Variants in C17orf107 observed in about 807,000 individuals in gnomAD.
The protein encoded by C17orf107 is uncharacterized protein C17orf107.
A neutral mutation model predicts 8.9 loss-of-function variants in C17orf107; 9 were observed. The ratio of observed to expected loss-of-function variants is 1.02; its 90% CI spans 0.61 to 1.77. C17orf107 has a LOEUF of 1.77. Among genes scored for constraint, C17orf107 ranks in the 40% most tolerant of loss-of-function variants. C17orf107 has a pLI of 0.00. For synonymous variants in C17orf107, 139 were observed against 120.3 expected (o/e 1.16, Z -1.02); for missense variants, 281 against 249.0 (o/e 1.13, Z -0.86).
Position 4,901,461 on chromosome 17 carries a change from C to T in C17orf107, c.*928C>T. On this transcript the variant is annotated 3_prime_UTR_variant, in exon 3 of 3. Coordinates refer to ENST00000381365, the MANE Select transcript of C17orf107 (RefSeq NM_001145536.2). ...TGTCGTTGGTCCGGGGCAAGCCCACCGTGGAAGTCCCCTCTCTGGACCCCG... is the reference window on the plus strand; with the variant it reads ...TGTCGTTGGTCCGGGGCAAGCCCACTGTGGAAGTCCCCTCTCTGGACCCCG... The T allele has an allele frequency of 2.0e-6, 3 of 1,488,338 alleles. No homozygotes were observed. The highest frequency in any genetic ancestry group is 2.8e-6 in the Non-Finnish European group (3 of 1,065,928). 92.2% of individuals were successfully genotyped at this position (1,488,338 alleles called of 1,614,324 possible).
chr17:4,903,003 A>G, downstream of C17orf107: 1 of 1,613,842 alleles, frequency 6.2e-7, no homozygotes, highest in African/African-American at 1.3e-5. Flanking sequence ...TTGCCCCTCT[A>G]GCCCCTGTCC....
Position 4,900,944 on chromosome 17 carries a change from C to T in C17orf107, c.*411C>T, listed in dbSNP as rs750892511. The T allele has an allele frequency of 1.9e-6, 3 of 1,613,922 alleles. No homozygotes were observed. Among genetic ancestry groups the T allele is most frequent in the African/African-American group, 2.7e-5 (2 of 74,948 alleles). ...GCCAGTGAGAGCGGGCCCCGCCTCC[C>T]GGGAGCGAGCCCGGGTTTGGGGGTA... On this transcript the variant is annotated 3_prime_UTR_variant, in exon 3 of 3. Coordinates refer to ENST00000381365, the MANE Select transcript of C17orf107 (RefSeq NM_001145536.2).
At chr17:4,903,395 G>A (rs1970044822), downstream of C17orf107, among the ~76,000 whole-genome samples, 1 of 152,236 alleles carries the variant, frequency 6.6e-6, no homozygotes, top group East Asian at 1.9e-4. Context: ...CTTTCAGCAG[G>A]CACTGTTGTC....
Position 4,899,779 on chromosome 17 carries a change from G to A in C17orf107, c.17G>A (p.Ser6Asn), listed in dbSNP as rs1449685668. 6.4e-7 allele frequency: 1 copy of A among 1,551,230 alleles called. No individual in the cohort carries two copies. The change falls in exon 1 of 3, where the codon AGC becomes AAC. Residue 6 changes from serine (S) to asparagine (N), a missense_variant. Ser to Asn is a conservative substitution (Grantham distance 46). Transcript: ENST00000381365. MKGTPSSLDTLMWIYH... is the reference protein window; with the variant it reads MKGTPNSLDTLMWIYH... ...GTGGCGGCCATGAAGGGGACCCCCA[G>A]CTCCCTGGACACCCTGATGTGGATC...
At position 4,902,059 on chromosome 17, in the gene C17orf107, C is replaced by T. The variant is rs1056080125; in HGVS notation, c.*1526C>T. 19 of 1,613,968 alleles carry T rather than the reference C, an allele frequency of 1.2e-5. No homozygotes were observed. The highest frequency in any genetic ancestry group is 1.6e-5 in the Non-Finnish European group (19 of 1,180,048). Reference sequence around the variant, plus strand: ...CCCTCGTAGACGAGCACGTTGGCGTCGTAGGCCACTCCGAACTGGCCATCA... The same window carrying T: ...CCCTCGTAGACGAGCACGTTGGCGTTGTAGGCCACTCCGAACTGGCCATCA... On this transcript the variant is annotated 3_prime_UTR_variant, in exon 3 of 3. Transcript: ENST00000381365. This position sits in a 1 kb window ranked among gnomAD's most constrained non-coding sequence, Gnocchi z 4.0.
At position 4,900,247 on chromosome 17, in the gene C17orf107, T is replaced by C; in HGVS notation, c.287T>C (p.Leu96Pro). ...FGTTLLEISA[L>P]WLQQEARRLD... The stretch of plus-strand genomic sequence containing the variant: ...GTGCCCCCAATGCAGATCTCAGCCC[T>C]GTGGCTGCAGCAGGAGGCGCGGCGA... The change falls in exon 3 of 3, where the codon CTG becomes CCG. Residue 96 changes from leucine (L) to proline (P), a missense_variant. Transcript: ENST00000381365. 4 of 1,547,210 alleles carry C rather than the reference T, an allele frequency of 2.6e-6. No individual in the cohort carries two copies. Among genetic ancestry groups the C allele is most frequent in the Non-Finnish European group, 3.5e-6 (4 of 1,146,508 alleles).
Position 4,902,290 on chromosome 17 carries a change from C to G in C17orf107, c.*1757C>G, listed in dbSNP as rs1392419204. ...CGCAGGGTTTCTATACCCCCAAAGT[C>G]GTCCTTGCTGTAGTTGAGTCGGTAA... On this transcript the variant is annotated 3_prime_UTR_variant, in exon 3 of 3. Coordinates refer to ENST00000381365, the MANE Select transcript of C17orf107 (RefSeq NM_001145536.2). This position sits in a 1 kb window ranked among gnomAD's most constrained non-coding sequence, Gnocchi z 4.0. 1 of 1,614,062 alleles carries G rather than the reference C, an allele frequency of 6.2e-7. No individual in the cohort carries two copies. Among genetic ancestry groups the G allele is most frequent in the African/African-American group, 1.3e-5 (1 of 74,916 alleles).
chr17:4,899,679 C>T lies in C17orf107; in HGVS notation c.-84C>T. On this transcript the variant is annotated 5_prime_UTR_variant, in exon 1 of 3. Coordinates refer to ENST00000381365, the MANE Select transcript of C17orf107 (RefSeq NM_001145536.2). ...CAAACACGGCTTCTCCTGGTACGGG[C>T]TGGTTACGCCCTCCAGCTGCGCCCC... is the stretch of plus-strand genomic sequence containing the variant. The T allele has an allele frequency of 2.1e-6, 3 of 1,444,370 alleles. No individual in the cohort carries two copies. Among genetic ancestry groups the T allele is most frequent in the Non-Finnish European group, 2.9e-6 (3 of 1,050,048 alleles). 89.5% of individuals were successfully genotyped at this position (1,444,370 alleles called of 1,614,324 possible).
At position 4,900,718 on chromosome 17, in the gene C17orf107, T is replaced by A. The variant is rs1969952422; in HGVS notation, c.*185T>A. On this transcript the variant is annotated 3_prime_UTR_variant, in exon 3 of 3. Coordinates refer to ENST00000381365, the MANE Select transcript of C17orf107 (RefSeq NM_001145536.2). ...GGCGGGGCGAGACAGCCAGAGCTTT[T>A]CCCGGGGTCTCTGGGTTTTGGCCAC... The A allele has an allele frequency of 6.7e-7, 1 of 1,503,168 alleles. No individual in the cohort carries two copies. Among genetic ancestry groups the A allele is most frequent in the Non-Finnish European group, 9.1e-7 (1 of 1,102,924 alleles). 93.1% of individuals were successfully genotyped at this position (1,503,168 alleles called of 1,614,324 possible).
At chr17:4,904,438 C>T (rs890853398), downstream of C17orf107, among the ~76,000 whole-genome samples, 6 of 152,158 alleles carry the variant, frequency 3.9e-5, no homozygotes, top group Non-Finnish European at 8.8e-5. Flanking sequence ...GATTCCTAGG[C>T]TCCATTCCCA....
chr17:4,904,424 T>C (rs1397811440), downstream of C17orf107, among the ~76,000 whole-genome samples: 5 of 152,164 alleles, frequency 3.3e-5, no homozygotes, highest in Non-Finnish European at 5.9e-5. Context: ...TTATTTTAAA[T>C]TCAGATTCCT....
rs769318953 is a variant in C17orf107, at chr17:4,902,076, T to C, written c.*1543T>C. On this transcript the variant is annotated 3_prime_UTR_variant, in exon 3 of 3. Coordinates refer to ENST00000381365, the MANE Select transcript of C17orf107 (RefSeq NM_001145536.2). This position sits in a 1 kb window ranked among gnomAD's most constrained non-coding sequence, Gnocchi z 4.0. ...GTTGGCGTCGTAGGCCACTCCGAAC[T>C]GGCCATCAATACTGTGGGCTCGGGG... 4 of 1,614,068 alleles carry C rather than the reference T, an allele frequency of 2.5e-6. No individual in the cohort carries two copies. Among genetic ancestry groups the C allele is most frequent in the South Asian group, 2.2e-5 (2 of 91,082 alleles).
Position 4,899,546 on chromosome 17 carries a change from A to G in C17orf107, c.-217A>G, listed in dbSNP as rs947816370. On this transcript the variant is annotated 5_prime_UTR_variant, in exon 1 of 3. Transcript: ENST00000381365. ...TGAGCACGATGACGCAATTCATGAC[A>G]ATGAGCGTGGCGACCACCATGACGA... is the stretch of plus-strand genomic sequence containing the variant. The G allele has an allele frequency of 6.3e-7, 1 of 1,599,422 alleles. No homozygotes were observed. The highest frequency in any genetic ancestry group is 8.5e-7 in the Non-Finnish European group (1 of 1,174,328).
At position 4,901,745 on chromosome 17, in the gene C17orf107, G is replaced by T. The variant is rs1969993158; in HGVS notation, c.*1212G>T. 8.0e-7 allele frequency: 1 copy of T among 1,249,380 alleles called. No individual in the cohort carries two copies. Among genetic ancestry groups the T allele is most frequent in the Non-Finnish European group, 1.1e-6 (1 of 869,740 alleles). The allele number at this position is 1,249,380 out of a possible 1,614,324, so 77.4% of individuals were successfully genotyped here. On this transcript the variant is annotated 3_prime_UTR_variant, in exon 3 of 3. Transcript: ENST00000381365. ...ATCCCAAGCCCACCCCTTCACCCAAGCCCAGCCCGCACGCCTCTGTTCCCA... is the reference window on the plus strand; with the variant it reads ...ATCCCAAGCCCACCCCTTCACCCAATCCCAGCCCGCACGCCTCTGTTCCCA...
Position 4,900,806 on chromosome 17 carries a change from G to C in C17orf107, c.*273G>C, listed in dbSNP as rs979787967. 1.9e-6 allele frequency: 3 copies of C among 1,613,622 alleles called. No individual in the cohort carries two copies. Among genetic ancestry groups the C allele is most frequent in the Non-Finnish European group, 2.5e-6 (3 of 1,179,784 alleles). On this transcript the variant is annotated 3_prime_UTR_variant, in exon 3 of 3. Transcript: ENST00000381365. ...CTCCGGCTTCACCTGCCCAGGAGCG[G>C]CACGCTCAGAGAAGTCTCTGGGATT... is the stretch of plus-strand genomic sequence containing the variant.
rs1970013388 is a variant in C17orf107 at position 4,902,165 on chromosome 17, C to G, written c.*1632C>G. ...TACCCCCTTCCCCAACCAAGTCCAG[C>G]CCGCACCCCAGGCCGGCTTCCCTCC... On this transcript the variant is annotated 3_prime_UTR_variant, in exon 3 of 3. Transcript: ENST00000381365. The surrounding 1 kb of genome is among the most constrained non-coding windows in gnomAD (Gnocchi z 4.0). 6.2e-7 allele frequency: 1 copy of G among 1,613,700 alleles called. No individual in the cohort carries two copies. Among genetic ancestry groups the G allele is most frequent in the African/African-American group, 1.3e-5 (1 of 74,924 alleles).
chr17:4,902,179 C>T lies in C17orf107; in HGVS notation c.*1646C>T. 6.2e-7 allele frequency: 1 copy of T among 1,612,884 alleles called. No homozygotes were observed. The highest frequency in any genetic ancestry group is 8.5e-7 in the Non-Finnish European group (1 of 1,178,836). ...ACCAAGTCCAGCCCGCACCCCAGGC[C>T]GGCTTCCCTCCAGCCTGGCGTCTGG... On this transcript the variant is annotated 3_prime_UTR_variant, in exon 3 of 3. Transcript: ENST00000381365. The surrounding 1 kb of genome is among the most constrained non-coding windows in gnomAD (Gnocchi z 4.0).
At chr17:4,906,522 C>T (rs1163482219), downstream of C17orf107, among the ~76,000 whole-genome samples, 1 of 151,974 alleles carries the variant, frequency 6.6e-6, no homozygotes, top group Non-Finnish European at 1.5e-5. Context: ...AAAAAGAGGG[C>T]AGAAGATTTG....
rs1359093573 is a variant in C17orf107 at position 4,899,547 on chromosome 17, A to G, written c.-216A>G. 2.5e-6 allele frequency: 4 copies of G among 1,600,040 alleles called. No homozygotes were observed. Among genetic ancestry groups the G allele is most frequent in the Non-Finnish European group, 3.4e-6 (4 of 1,174,368 alleles). ...GAGCACGATGACGCAATTCATGACAATGAGCGTGGCGACCACCATGACGAA... is the reference window on the plus strand; with the variant it reads ...GAGCACGATGACGCAATTCATGACAGTGAGCGTGGCGACCACCATGACGAA... On this transcript the variant is annotated 5_prime_UTR_variant, in exon 1 of 3. The change abolishes an upstream ATG in the 5' untranslated region. Transcript: ENST00000381365.
Sources: allele counts gnomAD v4.1 joint callset (sites outside exome capture counted in the v4.1 genomes callset), GRCh38; gene constraint gnomAD v4.1.1; non-coding constraint Gnocchi (gnomAD v3.1); transcripts MANE v1.5; gene names NCBI Gene and HGNC (gene_info 2026-07-23, HGNC 2026-07-21).